ZNF609: variants seen among roughly 807,000 people sequenced by gnomAD.
ZNF609 encodes zinc finger protein 609.
A neutral mutation model predicts 109.5 loss-of-function variants in ZNF609; 11 were observed. The observed-to-expected ratio is 0.10, with a 90% CI of 0.06 to 0.17. The LOEUF (loss-of-function observed/expected upper bound fraction) is 0.17, where lower values mean the gene tolerates loss of function less well. Among genes scored for constraint, ZNF609 ranks in the 10% least tolerant of loss-of-function variants. The probability of loss-of-function intolerance (pLI) is 1.00; values close to 1 mark genes in which losing one functional copy is unlikely to be tolerated. For missense variants in ZNF609, 1,559 were observed against 1,772.4 expected, an observed-to-expected ratio of 0.88 and a Z score of 2.16; for synonymous variants, 646 against 662.0, an observed-to-expected ratio of 0.98 and a Z score of 0.37.
At chr15:64,488,009 A>G (rs753039016) in intron 1 of ZNF609, among the ~76,000 whole-genome samples, 21 of 152,184 alleles carry the variant, frequency 1.4e-4, no homozygotes, top group Admixed American at 6.5e-4. Flanking sequence ...ATACATTTAA[A>G]TATATACCTG....
intron 3 of ZNF609, among the ~76,000 whole-genome samples, chr15:64,636,940 G>A (rs185824754): frequency 2.6e-5 from 4 of 152,188 alleles, no homozygotes; most frequent in East Asian, 1.9e-4. Context: ...AAACATGTAC[G>A]CAAATTCTAC....
At position 64,622,965 on chromosome 15, in the gene ZNF609, C is replaced by G; in HGVS notation, c.886C>G (p.Leu296Val). 3 of 1,614,236 alleles carry G rather than the reference C, an allele frequency of 1.9e-6. No homozygotes were observed. The highest frequency in any genetic ancestry group is 2.7e-5 in the African/African-American group (2 of 75,068). Residue 296 changes from leucine to valine, a missense_variant, in exon 3 of 10, where the codon CTG becomes GTG. Transcript: ENST00000326648. ...TGGGGTCAACACATGTGATGTGGCT[C>G]TGGCCACAGAGCCTGAGTGCTTGGG... Reference protein sequence around the residue: ...SVGVNTCDVALATEPECLGPC... With the variant: ...SVGVNTCDVAVATEPECLGPC...
In ZNF609 at chr15:64,675,433, A is replaced by G. The variant is rs1896794159; in HGVS notation, c.2579A>G (p.Asp860Gly). The part of the protein sequence containing the change: ...DAGEDGEGKV[D>G]SVKSKDAEQL... ...GGGGAGGATGGGGAGGGCAAGGTAG[A>G]CAGTGTCAAATCAAAGGACGCCGAA... The change falls in exon 5 of 10, where the codon GAC becomes GGC. Residue 860 changes from aspartate (D) to glycine (G), a missense_variant. This residue lies in a region of ZNF609 where 1,204 missense variants were observed against 1,314.1 expected (regional missense o/e 0.92). Coordinates refer to ENST00000326648, the MANE Select transcript of ZNF609 (RefSeq NM_015042.2). The G allele has an allele frequency of 2.5e-6, 4 of 1,614,228 alleles. 1 individual carries two copies. The South Asian group carries it at 3.3e-5, about 13-fold the overall frequency.
chr15:64,546,387 G>A (rs1326716313), intron 2 of ZNF609, among the ~76,000 whole-genome samples: 2 of 152,120 alleles, frequency 1.3e-5, no homozygotes, highest in East Asian at 3.9e-4. Context: ...TGGGACTACA[G>A]GCATGCACCA....
intron 2 of ZNF609, among the ~76,000 whole-genome samples, chr15:64,557,063 C>A (rs939404441): frequency 9.9e-5 from 15 of 151,924 alleles, no homozygotes; most frequent in Admixed American, 3.3e-4. Context: ...GAATGAGATT[C>A]TTGGTTTTGG....
At chr15:64,586,120 T>G (rs2140431390) in intron 2 of ZNF609, among the ~76,000 whole-genome samples, 1 of 151,478 alleles carries the variant, frequency 6.6e-6, no homozygotes, top group East Asian at 1.9e-4. Context: ...AGGTCAGGAG[T>G]TCGAGACCAG....
chr15:64,669,016 A>T (rs1266639615), intron 3 of ZNF609, among the ~76,000 whole-genome samples: 1 of 151,860 alleles, frequency 6.6e-6, no homozygotes, highest in Non-Finnish European at 1.5e-5. Flanking sequence ...TATAAAACAT[A>T]ATTTTTCTTT....
intron 3 of ZNF609, among the ~76,000 whole-genome samples, chr15:64,643,208 A>G (rs1012260807): frequency 6.6e-6 from 1 of 151,704 alleles, no homozygotes; most frequent in African/African-American, 2.4e-5. Flanking sequence ...TCCTCTTGCA[A>G]CTCTCCCTCA....
chr15:64,671,483 A>G (rs555687236), intron 4 of ZNF609: 2 of 152,320 alleles, frequency 1.3e-5, no homozygotes, highest in South Asian at 4.1e-4. Flanking sequence ...ACATTCATTG[A>G]TGATAGCTAT....
At chr15:64,621,209 G>A (rs1227888462) in intron 2 of ZNF609, among the ~76,000 whole-genome samples, 1 of 152,234 alleles carries the variant, frequency 6.6e-6, no homozygotes, top group Non-Finnish European at 1.5e-5. Flanking sequence ...ATAAGCCAGT[G>A]TGTGCATTGA....
chr15:64,466,391 T>A (rs1353951411), intron 1 of ZNF609, among the ~76,000 whole-genome samples: 1 of 152,210 alleles, frequency 6.6e-6, no homozygotes, highest in Non-Finnish European at 1.5e-5. Context: ...CCCCTTCTCT[T>A]GAAACACATA....
chr15:64,680,888 T>C (rs759530046), intron 8 of ZNF609, 26 bp downstream of exon 8: 1 of 1,600,656 alleles, frequency 6.2e-7, no homozygotes, highest in South Asian at 1.1e-5. Context: ...CTACCACCTG[T>C]TGTTTTGTCT....
intron 2 of ZNF609, among the ~76,000 whole-genome samples, chr15:64,609,434 G>A (rs368989358): frequency 6.6e-6 from 1 of 151,378 alleles, no homozygotes; most frequent in East Asian, 2.0e-4. Flanking sequence ...ACCCTCCTCG[G>A]CCTCTCAAAG....
At chr15:64,636,402 A>G (rs1299319637) in intron 3 of ZNF609, among the ~76,000 whole-genome samples, 1 of 152,190 alleles carries the variant, frequency 6.6e-6, no homozygotes, top group Admixed American at 6.5e-5. Flanking sequence ...TTTTCTCCTT[A>G]GGGTATCTAA....
Position 64,651,982 on chromosome 15 carries a change from A to AT in ZNF609, c.974-18362dup, listed in dbSNP as rs754200809. Among the ~76,000 whole-genome samples the AT allele has an allele frequency of 7.7e-3, 1,146 of 149,468 alleles. 14 individuals are homozygous for AT. The highest frequency in any genetic ancestry group is 0.022 in the African/African-American group (916 of 41,026). ...GTGTACTAAAATTTGTTGTTCAGAA[A>AT]TTAAAAAAAAAAAAACTTAAGACAT... On this transcript the variant is annotated intron_variant, in intron 3 of 9. Coordinates refer to ENST00000326648, the MANE Select transcript of ZNF609 (RefSeq NM_015042.2).
At chr15:64,678,938 A>G (rs1358906755) in intron 6 of ZNF609, among the ~76,000 whole-genome samples, 2 of 152,360 alleles carry the variant, frequency 1.3e-5, no homozygotes. Flanking sequence ...AATGCAAACC[A>G]TAACAATGCA....
intron 1 of ZNF609, among the ~76,000 whole-genome samples, chr15:64,469,956 T>C (rs879813094): frequency 1.3e-5 from 2 of 152,194 alleles, no homozygotes; most frequent in African/African-American, 2.4e-5. Flanking sequence ...ATCTGAAATC[T>C]GGGAGCTAAA....
intron 1 of ZNF609, among the ~76,000 whole-genome samples, chr15:64,464,404 C>T (rs187414667): frequency 3.2e-4 from 48 of 152,254 alleles, no homozygotes; most frequent in Admixed American, 1.0e-3. Flanking sequence ...CTTGTACTGC[C>T]CTTTTCTCCT....
At chr15:64,659,199 C>T (rs936100396) in intron 3 of ZNF609, among the ~76,000 whole-genome samples, 8 of 152,240 alleles carry the variant, frequency 5.3e-5, no homozygotes, top group South Asian at 2.1e-4. Flanking sequence ...AGGTATAAAA[C>T]GCGTTTTTAG....
Sources: allele counts gnomAD v4.1 joint callset (sites outside exome capture counted in the v4.1 genomes callset), GRCh38; gene constraint gnomAD v4.1.1; regional missense constraint gnomAD v4.1.1; transcripts MANE v1.5; gene names NCBI Gene and HGNC (gene_info 2026-07-23, HGNC 2026-07-21).